HDAC4: variants seen among roughly 807,000 people sequenced by gnomAD.
The protein encoded by HDAC4 is histone deacetylase A.
Under a neutral mutation model 135.1 loss-of-function variants are expected in HDAC4, and 16 were observed. That is an observed-to-expected ratio of 0.12 (90% confidence interval 0.08 to 0.18). The LOEUF (loss-of-function observed/expected upper bound fraction) is 0.18. HDAC4 is among the 10% of genes least tolerant of loss of function. The pLI is 1.00. For synonymous variants in HDAC4, 685 were observed against 653.4 expected (o/e 1.05, Z -0.74); for missense variants, 1,143 against 1,511.8 (o/e 0.76, Z 4.05).
chr2:239,215,210 C>T (rs1193152451), intron 3 of HDAC4, among the ~76,000 whole-genome samples: 1 of 152,180 alleles, frequency 6.6e-6, no homozygotes, highest in Non-Finnish European at 1.5e-5. Flanking sequence ...ATAAGAAAAA[C>T]CCACCAAGGC....
chr2:239,379,155 G>A (rs1033439664), intron 1 of HDAC4, among the ~76,000 whole-genome samples: 2 of 152,196 alleles, frequency 1.3e-5, no homozygotes, highest in African/African-American at 4.8e-5. Flanking sequence ...CAGGAGCTGG[G>A]GGTGGAGGCC....
intron 2 of HDAC4, among the ~76,000 whole-genome samples, chr2:239,273,531 C>T (rs2050169294): frequency 6.6e-6 from 1 of 152,152 alleles, no homozygotes; most frequent in Non-Finnish European, 1.5e-5. Context: ...CACTCTGCAG[C>T]CCCCAGGAAG....
intron 16 of HDAC4, among the ~76,000 whole-genome samples, chr2:239,099,267 A>C (rs912479729): frequency 1.3e-5 from 2 of 152,204 alleles, no homozygotes; most frequent in Non-Finnish European, 2.9e-5. Flanking sequence ...GGTCCTTTGA[A>C]AATGGATGAA....
intron 2 of HDAC4, among the ~76,000 whole-genome samples, chr2:239,266,630 C>G (rs370386881): frequency 7.9e-5 from 12 of 152,216 alleles, no homozygotes; most frequent in East Asian, 3.9e-4. Flanking sequence ...CTTCCACACA[C>G]CCAAAGGCAA....
At chr2:239,099,883 C>T (rs1311141158) in intron 16 of HDAC4, among the ~76,000 whole-genome samples, 1 of 152,250 alleles carries the variant, frequency 6.6e-6, no homozygotes, top group Non-Finnish European at 1.5e-5. Context: ...CCTGGGACAG[C>T]GTGTCCTCCG....
At chr2:239,287,015 A>G (rs997743607) in intron 2 of HDAC4, among the ~76,000 whole-genome samples, 4 of 152,200 alleles carry the variant, frequency 2.6e-5, no homozygotes, top group African/African-American at 4.8e-5. Context: ...TGCAAGCAGG[A>G]AGGACAAGTG....
intron 12 of HDAC4, among the ~76,000 whole-genome samples, chr2:239,125,851 G>A (rs1048109638): frequency 5.9e-5 from 9 of 152,206 alleles, no homozygotes; most frequent in African/African-American, 1.4e-4. Flanking sequence ...TGGGCTGGCC[G>A]GGGCCCAGAA....
At chr2:239,173,169 T>C (rs976153607) in intron 5 of HDAC4, among the ~76,000 whole-genome samples, 4 of 152,114 alleles carry the variant, frequency 2.6e-5, no homozygotes, top group African/African-American at 9.7e-5. Flanking sequence ...GCCAGCACAG[T>C]CATGACACCA....
intron 3 of HDAC4, among the ~76,000 whole-genome samples, chr2:239,203,433 T>A (rs180751117): frequency 1.3e-5 from 2 of 152,322 alleles, no homozygotes; most frequent in Admixed American, 1.3e-4. Context: ...GAAGGCTCAT[T>A]GGAAAATACA....
chr2:239,314,899 G>A (rs142916066), intron 2 of HDAC4, among the ~76,000 whole-genome samples: 285 of 152,250 alleles, frequency 1.9e-3, no homozygotes, highest in African/African-American at 6.6e-3. Flanking sequence ...AGTTCAGGTC[G>A]TGATGGGGAC....
chr2:239,237,182 T>C (rs1189860248), intron 2 of HDAC4, among the ~76,000 whole-genome samples: 1 of 152,120 alleles, frequency 6.6e-6, no homozygotes, highest in East Asian at 1.9e-4. Context: ...GTTCTCAAGG[T>C]ATAGAGTCCT....
At chr2:239,399,360 T>C (rs1244930343) in intron 1 of HDAC4, among the ~76,000 whole-genome samples, 1 of 152,186 alleles carries the variant, frequency 6.6e-6, no homozygotes, top group Admixed American at 6.5e-5. Flanking sequence ...TGTATATTTG[T>C]GTACAAGCAG....
intron 1 of HDAC4, among the ~76,000 whole-genome samples, chr2:239,389,025 G>C (rs1454361941): frequency 6.6e-6 from 1 of 152,220 alleles, no homozygotes; most frequent in African/African-American, 2.4e-5. Context: ...GAGAGGTGAA[G>C]CCAGCTGGAC....
chr2:239,153,948 G>A (rs1204368341), intron 7 of HDAC4, among the ~76,000 whole-genome samples: 1 of 152,240 alleles, frequency 6.6e-6, no homozygotes, highest in Non-Finnish European at 1.5e-5. Flanking sequence ...CTCCCATGCT[G>A]ATAGCCTTCC....
chr2:239,121,116 C>A (rs1210980806), intron 12 of HDAC4, among the ~76,000 whole-genome samples: 1 of 151,874 alleles, frequency 6.6e-6, no homozygotes, highest in Non-Finnish European at 1.5e-5. Flanking sequence ...CAAGCATGCA[C>A]CACCTTGCCT....
intron 22 of HDAC4, 159 bp downstream of exon 22, chr2:239,080,936 G>A (rs2035254945): frequency 3.3e-6 from 2 of 607,726 alleles, no homozygotes; most frequent in East Asian, 5.5e-5. Context: ...TTCCACGCTT[G>A]GCACTGAAGA....
At position 239,059,292 on chromosome 2, in the gene HDAC4, A is replaced by C. The variant is rs79078619; in HGVS notation, c.3004-4459T>G. On this transcript the variant is annotated intron_variant, in intron 24 of 26. Coordinates refer to ENST00000543185, the MANE Select transcript of HDAC4 (RefSeq NM_001378414.1). ...GTTAGCCAGAGAACACAGTGGTCCT[A>C]AAGCAAGAAGGAAAGAAGATAGATG... 6.6e-5 allele frequency among the ~76,000 whole-genome samples: 10 copies of C among 152,372 alleles called. No individual in the cohort carries two copies. In the East Asian group the frequency reaches 1.9e-3, roughly 29 times the overall value.
chr2:239,271,109 A>G (rs2125235101), intron 2 of HDAC4, among the ~76,000 whole-genome samples: 1 of 152,232 alleles, frequency 6.6e-6, no homozygotes, highest in Admixed American at 6.5e-5. Flanking sequence ...GTTGGGGCTT[A>G]GTATGTTTTT....
At chr2:239,277,237 G>A (rs577452882) in intron 2 of HDAC4, among the ~76,000 whole-genome samples, 7 of 152,278 alleles carry the variant, frequency 4.6e-5, no homozygotes, top group South Asian at 2.1e-4. Flanking sequence ...AGCCGAGCCC[G>A]GTGAGCTCAG....
Sources: gnomAD v4.1 joint callset for allele counts (sites outside exome capture counted in the v4.1 genomes callset) on GRCh38, gnomAD v4.1.1 for gene constraint, MANE v1.5 for transcripts, NCBI Gene and HGNC (gene_info 2026-07-23, HGNC 2026-07-21) for gene names.